Variants in NXPH2 observed in about 807,000 individuals in gnomAD.
NXPH2 encodes the protein neurexophilin-2.
In NXPH2, 5 loss-of-function variants were observed where a neutral mutation model predicts 19.8. The observed-to-expected ratio is 0.25, with a 90% CI of 0.13 to 0.53. The LOEUF is 0.53. Ranked by LOEUF, NXPH2 falls within the 20% of genes least tolerant of loss-of-function variation. The probability of loss-of-function intolerance (pLI) is 0.96; values close to 1 mark genes in which losing one functional copy is unlikely to be tolerated. For missense variants in NXPH2, 289 were observed against 322.8 expected, an observed-to-expected ratio of 0.90 and a Z score of 0.80; for synonymous variants, 154 against 127.4, an observed-to-expected ratio of 1.21 and a Z score of -1.41.
intron 1 of NXPH2, among the ~76,000 whole-genome samples, chr2:138,731,624 T>C (rs1305727948): frequency 6.6e-6 from 1 of 152,108 alleles, no homozygotes; most frequent in Non-Finnish European, 1.5e-5. Context: ...CTTTAATCTG[T>C]GAACACTCAA....
intron 1 of NXPH2, among the ~76,000 whole-genome samples, chr2:138,689,168 G>A (rs566607147): frequency 6.6e-6 from 1 of 152,230 alleles, no homozygotes; most frequent in African/African-American, 2.4e-5. Context: ...AAATTATTGG[G>A]GATCAAGCCA....
chr2:138,759,964 T>C (rs28435322), intron 1 of NXPH2, among the ~76,000 whole-genome samples: 92,689 of 151,722 alleles, frequency 0.61, 28,844 homozygotes, highest in Middle Eastern at 0.7. Context: ...CTCCTGACCT[T>C]GTGATCCGCC....
chr2:138,689,452 A>G (rs973808352), intron 1 of NXPH2, among the ~76,000 whole-genome samples: 2 of 152,280 alleles, frequency 1.3e-5, no homozygotes, highest in Admixed American at 1.3e-4. Flanking sequence ...TACTGGGAGG[A>G]GTGTCCTCCA....
At chr2:138,682,394 A>G (rs1366778224) in intron 1 of NXPH2, among the ~76,000 whole-genome samples, 2 of 152,146 alleles carry the variant, frequency 1.3e-5, no homozygotes, top group African/African-American at 4.8e-5. Context: ...CTAGAGTCAT[A>G]TTTCTGGTGC....
At chr2:138,734,402 G>T (rs945668147) in intron 1 of NXPH2, among the ~76,000 whole-genome samples, 2 of 152,190 alleles carry the variant, frequency 1.3e-5, no homozygotes, top group African/African-American at 4.8e-5. Flanking sequence ...AAATAAAGCT[G>T]AATTTCTGTT....
At chr2:138,705,112 C>A (rs1288611101) in intron 1 of NXPH2, among the ~76,000 whole-genome samples, 1 of 152,080 alleles carries the variant, frequency 6.6e-6, no homozygotes, top group East Asian at 1.9e-4. Flanking sequence ...CAGGCGTGAG[C>A]CACCACACTT....
At chr2:138,706,227 C>G (rs919416341) in intron 1 of NXPH2, among the ~76,000 whole-genome samples, 1 of 152,208 alleles carries the variant, frequency 6.6e-6, no homozygotes, top group Admixed American at 6.5e-5. Context: ...CCCTGAGAGG[C>G]AGGTATTATT....
chr2:138,745,365 T>C (rs1007681916), intron 1 of NXPH2, among the ~76,000 whole-genome samples: 1 of 152,052 alleles, frequency 6.6e-6, no homozygotes, highest in Non-Finnish European at 1.5e-5. Flanking sequence ...CTCAAAGACA[T>C]ACATGGATAT....
intron 1 of NXPH2, among the ~76,000 whole-genome samples, chr2:138,694,035 A>T (rs1680788928): frequency 6.6e-6 from 1 of 152,312 alleles, no homozygotes; most frequent in South Asian, 2.1e-4. Context: ...AACCTCAGCC[A>T]ATCAAGAGCA....
chr2:138,737,429 A>G (rs1454900412), intron 1 of NXPH2, among the ~76,000 whole-genome samples: 3 of 152,232 alleles, frequency 2.0e-5, no homozygotes, highest in South Asian at 2.1e-4. Context: ...TCATGAGAAC[A>G]GTATGAAAGA....
intron 1 of NXPH2, among the ~76,000 whole-genome samples, chr2:138,702,261 C>A (rs1680935650): frequency 6.6e-6 from 1 of 152,086 alleles, no homozygotes; most frequent in Non-Finnish European, 1.5e-5. Flanking sequence ...GATCTACAGG[C>A]ACACAGCACC....
intron 1 of NXPH2, among the ~76,000 whole-genome samples, chr2:138,776,614 G>GT (rs759634034): frequency 1.7e-5 from 2 of 115,728 alleles, no homozygotes; most frequent in Non-Finnish European, 3.8e-5. Flanking sequence ...TGATATAGTG[G>GT]TGTTTTTTTT....
At chr2:138,697,534 G>T (rs1680846806) in intron 1 of NXPH2, among the ~76,000 whole-genome samples, 1 of 151,788 alleles carries the variant, frequency 6.6e-6, no homozygotes, top group Non-Finnish European at 1.5e-5. Context: ...ACTATAAGTG[G>T]GGAAAAGTGA....
intron 1 of NXPH2, among the ~76,000 whole-genome samples, chr2:138,746,668 T>C (rs1293358696): frequency 5.9e-5 from 9 of 152,168 alleles, no homozygotes; most frequent in Non-Finnish European, 1.3e-4. Context: ...TCCAAAAGAC[T>C]ACTGCTCTCT....
intron 1 of NXPH2, among the ~76,000 whole-genome samples, chr2:138,735,686 C>T (rs1275193322): frequency 6.6e-6 from 1 of 152,162 alleles, no homozygotes; most frequent in East Asian, 1.9e-4. Context: ...TCCCAAAAGT[C>T]CCCCAAAGTC....
intron 1 of NXPH2, among the ~76,000 whole-genome samples, chr2:138,708,510 T>A (rs773711339): frequency 2.4e-4 from 37 of 152,244 alleles, no homozygotes; most frequent in Admixed American, 1.3e-4. Flanking sequence ...TTAAACCAGC[T>A]CATTTAGCAA....
chr2:138,734,468 T>C (rs1014512398), intron 1 of NXPH2, among the ~76,000 whole-genome samples: 1 of 152,174 alleles, frequency 6.6e-6, no homozygotes, highest in African/African-American at 2.4e-5. Context: ...AACTATTCAA[T>C]GTGACAGGTG....
intron 1 of NXPH2, among the ~76,000 whole-genome samples, chr2:138,693,537 T>A (rs1385307239): frequency 6.6e-6 from 1 of 152,174 alleles, no homozygotes; most frequent in South Asian, 2.1e-4. Flanking sequence ...ATTACTGGTA[T>A]AAGGTTGCCA....
chr2:138,757,520 T>G (rs1270652642), intron 1 of NXPH2, among the ~76,000 whole-genome samples: 1 of 152,118 alleles, frequency 6.6e-6, no homozygotes, highest in East Asian at 1.9e-4. Flanking sequence ...AGAGCTGACC[T>G]AGGTTTCTGT....
Sources: allele counts gnomAD v4.1 joint callset (sites outside exome capture counted in the v4.1 genomes callset), GRCh38; gene constraint gnomAD v4.1.1; transcripts MANE v1.5; gene names NCBI Gene and HGNC (gene_info 2026-07-23, HGNC 2026-07-21).